The following STPG4 variants were observed in gnomAD, a reference collection of about 807,000 sequenced individuals.
STPG4 encodes protein STPG4.
STPG4 carries 41 observed loss-of-function variants against 31.5 expected under a neutral mutation model. That is an observed-to-expected ratio of 1.30 (90% CI 1.01 to 1.69). STPG4 has a LOEUF of 1.69. Ranked by LOEUF, STPG4 falls within the 40% of genes most tolerant of loss-of-function variation. The probability of loss-of-function intolerance (pLI) is 0.00; values close to 1 mark genes in which losing one functional copy is unlikely to be tolerated. For missense variants in STPG4, 375 were observed against 293.4 expected (o/e 1.28, Z -2.03); for synonymous variants, 141 against 103.0 (o/e 1.37, Z -2.24).
At chr2:47,149,418 G>C (rs1686894204) in intron 3 of STPG4, among the ~76,000 whole-genome samples, 1 of 152,196 alleles carries the variant, frequency 6.6e-6, no homozygotes, top group East Asian at 1.9e-4. Context: ...CTTTGCATTT[G>C]AGATAGCCAG....
chr2:47,094,906 C>G (rs909159142), intron 5 of STPG4, among the ~76,000 whole-genome samples: 2 of 152,174 alleles, frequency 1.3e-5, no homozygotes, highest in East Asian at 3.8e-4. Context: ...CCTGACATTT[C>G]CTGCCTGCAC....
At chr2:47,118,409 G>T (rs1006200321) in intron 5 of STPG4, among the ~76,000 whole-genome samples, 9 of 152,128 alleles carry the variant, frequency 5.9e-5, no homozygotes, top group Non-Finnish European at 1.3e-4. Context: ...CAAGCTCAGG[G>T]CTCCCTCTGA....
Position 47,151,270 on chromosome 2 carries a change from A to AACT in STPG4, c.384_386dup (p.Val129dup), listed in dbSNP as rs1686929026. On this transcript the variant is annotated inframe_insertion, in exon 3 of 7. Transcript: ENST00000445927. ...AGTAGCGCTTTACCTGATCTTTGTC[A>AACT]ACTAGTGTGCTGGGGCTTGGCCGTG... is the stretch of plus-strand genomic sequence containing the variant. 6.2e-7 allele frequency: 1 copy of AACT among 1,614,172 alleles called. No individual in the cohort carries two copies. The highest frequency in any genetic ancestry group is 1.1e-5 in the South Asian group (1 of 91,066).
intron 3 of STPG4, among the ~76,000 whole-genome samples, chr2:47,143,610 C>T (rs926985148): frequency 2.0e-5 from 3 of 152,016 alleles, no homozygotes; most frequent in South Asian, 2.1e-4. Context: ...CTCAGCCTCC[C>T]GAATAGCTGG....
chr2:47,110,354 G>A (rs1686010590), intron 5 of STPG4, among the ~76,000 whole-genome samples: 1 of 152,192 alleles, frequency 6.6e-6, no homozygotes, highest in Non-Finnish European at 1.5e-5. Context: ...AGCACTTTGG[G>A]AGGCCAAGGT....
intron 5 of STPG4, among the ~76,000 whole-genome samples, chr2:47,124,344 C>T (rs1416988781): frequency 6.6e-6 from 1 of 152,134 alleles, no homozygotes; most frequent in East Asian, 1.9e-4. Context: ...CTATCAAATA[C>T]TAGATCTTAT....
chr2:47,126,977 T>A (rs1410449630), intron 5 of STPG4, among the ~76,000 whole-genome samples: 2 of 152,130 alleles, frequency 1.3e-5, no homozygotes, highest in Non-Finnish European at 2.9e-5. Flanking sequence ...TGATTATTAA[T>A]GTCTTGAGGT....
intron 5 of STPG4, among the ~76,000 whole-genome samples, chr2:47,102,081 G>A (rs1685813121): frequency 6.6e-6 from 1 of 151,804 alleles, no homozygotes; most frequent in African/African-American, 2.4e-5. Flanking sequence ...CATGTGGTCT[G>A]GGAGGAAAAC....
chr2:47,143,598 G>T lies in STPG4; in HGVS notation c.399+7660C>A, dbSNP rs541003123. On this transcript the variant is annotated intron_variant, in intron 3 of 6. Transcript: ENST00000445927. The stretch of plus-strand genomic sequence containing the variant: ...CCTCCTGGGTTCACGCCATTCTCCT[G>T]CCTCAGCCTCCCGAATAGCTGGGAC... Among the ~76,000 whole-genome samples, 3 of 151,612 alleles carry T rather than the reference G, an allele frequency of 2.0e-5. No homozygotes were observed. The South Asian group carries it at 6.3e-4, about 32-fold the overall frequency.
rs185099972 is a variant in STPG4 at position 47,098,608 on chromosome 2, A to T, written c.520-8234T>A. On this transcript the variant is annotated intron_variant, in intron 5 of 6. Transcript: ENST00000445927. ...CTTTCAGTTGATATATTGAAAAGAGAAAGGGTCAGAAAAAAATTATGACCC... is the reference window on the plus strand; with the variant it reads ...CTTTCAGTTGATATATTGAAAAGAGTAAGGGTCAGAAAAAAATTATGACCC... Among the ~76,000 whole-genome samples, 40 of 152,336 alleles carry T rather than the reference A, an allele frequency of 2.6e-4. No individual in the cohort carries two copies. In the East Asian group the frequency reaches 6.9e-3, roughly 26 times the overall value.
At chr2:47,100,250 C>A (rs1035723380) in intron 5 of STPG4, among the ~76,000 whole-genome samples, 2 of 151,886 alleles carry the variant, frequency 1.3e-5, no homozygotes, top group African/African-American at 4.9e-5. Context: ...ATTGTAAATA[C>A]ACCAATCAGC....
chr2:47,147,228 A>T (rs933453436), intron 3 of STPG4, among the ~76,000 whole-genome samples: 18 of 152,260 alleles, frequency 1.2e-4, no homozygotes, highest in African/African-American at 4.3e-4. Context: ...AGAGGTGAAG[A>T]ATTTAGCATG....
chr2:47,099,720 A>G (rs541703361), intron 5 of STPG4, among the ~76,000 whole-genome samples: 20 of 152,226 alleles, frequency 1.3e-4, no homozygotes, highest in East Asian at 3.9e-4. Context: ...CAGCTTGCAG[A>G]GAGGTGTGGA....
At chr2:47,095,429 G>A (rs534999167) in intron 5 of STPG4, among the ~76,000 whole-genome samples, 11 of 152,156 alleles carry the variant, frequency 7.2e-5, no homozygotes, top group African/African-American at 2.2e-4. Flanking sequence ...CTGCGAATGA[G>A]GCATGAACAG....
chr2:47,099,348 G>A (rs1183948063), intron 5 of STPG4, among the ~76,000 whole-genome samples: 1 of 152,210 alleles, frequency 6.6e-6, no homozygotes, highest in Non-Finnish European at 1.5e-5. Flanking sequence ...CACTTCCCCA[G>A]GCTGCTGCCC....
intron 5 of STPG4, among the ~76,000 whole-genome samples, chr2:47,092,287 T>G (rs957335198): frequency 1.3e-5 from 2 of 149,252 alleles, no homozygotes; most frequent in African/African-American, 4.9e-5. Context: ...CCCAGCATTT[T>G]GGGAGGCCAA....
At chr2:47,090,525 C>A (rs1354583108) in intron 5 of STPG4, among the ~76,000 whole-genome samples, 151 bp from the exon 6 acceptor site, 1 of 152,196 alleles carries the variant, frequency 6.6e-6, no homozygotes, top group Non-Finnish European at 1.5e-5. Context: ...AAGGTGTGAG[C>A]TGGGACAAGT....
At chr2:47,089,500 C>T (rs1685525151) in intron 6 of STPG4, among the ~76,000 whole-genome samples, 1 of 152,212 alleles carries the variant, frequency 6.6e-6, no homozygotes, top group African/African-American at 2.4e-5. Flanking sequence ...CTTGACTCCC[C>T]TGGGTGGGCC....
At chr2:47,140,362 C>G (rs916238408) in intron 3 of STPG4, among the ~76,000 whole-genome samples, 1 of 152,176 alleles carries the variant, frequency 6.6e-6, no homozygotes, top group African/African-American at 2.4e-5. Flanking sequence ...GGCAGGATTT[C>G]TCTCTGTAAG....
Sources: allele counts gnomAD v4.1 joint callset (sites outside exome capture counted in the v4.1 genomes callset), GRCh38; gene constraint gnomAD v4.1.1; transcripts MANE v1.5; gene names NCBI Gene and HGNC (gene_info 2026-07-23, HGNC 2026-07-21).